ZNF804B: variants seen among roughly 807,000 people sequenced by gnomAD.
The protein encoded by ZNF804B is zinc finger protein 804B, also known as zinc finger 804B.
A neutral mutation model predicts 101.4 loss-of-function variants in ZNF804B; 80 were observed. The observed-to-expected ratio is 0.79, with a 90% confidence interval of 0.66 to 0.95. ZNF804B has a LOEUF of 0.95. Ranked by LOEUF, ZNF804B falls within the 40% of genes least tolerant of loss-of-function variation. The probability of loss-of-function intolerance (pLI) is 0.00; values close to 1 mark genes in which losing one functional copy is unlikely to be tolerated. For missense variants in ZNF804B, 1,673 were observed against 1,561.9 expected (o/e 1.07, Z -1.20); for synonymous variants, 622 against 558.8 (o/e 1.11, Z -1.59).
intron 2 of ZNF804B, among the ~76,000 whole-genome samples, chr7:89,303,263 A>T (rs1790510210): frequency 6.6e-6 from 1 of 151,930 alleles, no homozygotes; most frequent in Non-Finnish European, 1.5e-5. Flanking sequence ...CACATTCTAA[A>T]TCTCAAATGG....
chr7:89,112,854 C>T (rs924792020), intron 1 of ZNF804B, among the ~76,000 whole-genome samples: 5 of 152,064 alleles, frequency 3.3e-5, no homozygotes, highest in Non-Finnish European at 7.4e-5. Context: ...AACGGAGGTA[C>T]AGATTTTGAA....
chr7:89,085,958 T>G (rs1259686660), intron 1 of ZNF804B, among the ~76,000 whole-genome samples: 2 of 151,984 alleles, frequency 1.3e-5, no homozygotes, highest in African/African-American at 4.8e-5. Context: ...TCCAACCCAT[T>G]TTTTCTCTTT....
chr7:88,847,795 A>T (rs1326458734), intron 1 of ZNF804B, among the ~76,000 whole-genome samples: 1 of 152,086 alleles, frequency 6.6e-6, no homozygotes, highest in Non-Finnish European at 1.5e-5. Flanking sequence ...AAGTAGTGAC[A>T]CCTAAACTAT....
intron 2 of ZNF804B, among the ~76,000 whole-genome samples, chr7:89,220,828 T>C (rs912183664): frequency 3.9e-5 from 6 of 151,984 alleles, no homozygotes; most frequent in Non-Finnish European, 8.8e-5. Context: ...TTTTAATCTA[T>C]AGGTTTTTCC....
At chr7:89,238,937 C>T (rs1301474251) in intron 2 of ZNF804B, among the ~76,000 whole-genome samples, 1 of 152,146 alleles carries the variant, frequency 6.6e-6, no homozygotes, top group Admixed American at 6.5e-5. Context: ...TGGAAAATAT[C>T]TTTTCCATTG....
intron 1 of ZNF804B, among the ~76,000 whole-genome samples, chr7:88,893,592 TAG>T (rs1366596005): frequency 1.3e-5 from 2 of 152,140 alleles, no homozygotes; most frequent in Non-Finnish European, 1.5e-5. Context: ...CTTATTAAAA[TAG>T]AGTGTTGAAC....
intron 1 of ZNF804B, among the ~76,000 whole-genome samples, chr7:88,965,531 T>TACAA (rs986485613): frequency 2.0e-5 from 3 of 151,492 alleles, no homozygotes; most frequent in African/African-American, 7.3e-5. Flanking sequence ...TTTTTCCATT[T>TACAA]ACGTTTGGCT....
chr7:88,996,974 G>A (rs908464538), intron 1 of ZNF804B, among the ~76,000 whole-genome samples: 1 of 152,092 alleles, frequency 6.6e-6, no homozygotes, highest in African/African-American at 2.4e-5. Context: ...TGGTGTGTAT[G>A]AGAGTATGTG....
chr7:89,218,882 A>G (rs73397154), intron 2 of ZNF804B, among the ~76,000 whole-genome samples: 5,454 of 152,172 alleles, frequency 0.036, 304 homozygotes, highest in African/African-American at 0.12. Context: ...CTTCATGATG[A>G]GTAGGCTGGG....
At chr7:89,286,200 A>G (rs1439376260) in intron 2 of ZNF804B, among the ~76,000 whole-genome samples, 1 of 152,132 alleles carries the variant, frequency 6.6e-6, no homozygotes, top group African/African-American at 2.4e-5. Flanking sequence ...CTAAATCGGG[A>G]CTTTAGGACT....
chr7:89,013,122 G>T (rs143848707), intron 1 of ZNF804B, among the ~76,000 whole-genome samples: 3,457 of 152,206 alleles, frequency 0.023, 138 homozygotes, highest in African/African-American at 0.079. Flanking sequence ...ACCTGGTCCT[G>T]CCCTTGACAC....
intron 1 of ZNF804B, among the ~76,000 whole-genome samples, chr7:88,881,683 AT>A (rs1165793376): frequency 8.5e-5 from 13 of 152,190 alleles, no homozygotes; most frequent in African/African-American, 1.2e-4. Context: ...GACAAAAAAA[AT>A]AAATTAGTAA....
At chr7:89,295,773 GTAGA>G (rs1433197021) in intron 2 of ZNF804B, among the ~76,000 whole-genome samples, 2 of 151,946 alleles carry the variant, frequency 1.3e-5, no homozygotes, top group African/African-American at 2.4e-5. Flanking sequence ...CAACTAATGG[GTAGA>G]TAAAGAAAAT....
At chr7:88,930,837 T>TTA (rs1057310843) in intron 1 of ZNF804B, among the ~76,000 whole-genome samples, 3 of 151,878 alleles carry the variant, frequency 2.0e-5, no homozygotes, top group Non-Finnish European at 2.9e-5. Flanking sequence ...TTCCTTTATT[T>TTA]TATAGATACA....
chr7:89,083,853 C>T (rs1038731439), intron 1 of ZNF804B, among the ~76,000 whole-genome samples: 3 of 151,790 alleles, frequency 2.0e-5, no homozygotes, highest in African/African-American at 7.3e-5. Context: ...AACCAAATGG[C>T]TCCAAATATA....
intron 1 of ZNF804B, among the ~76,000 whole-genome samples, chr7:88,844,551 T>G (rs1359153024): frequency 6.6e-6 from 1 of 152,212 alleles, no homozygotes; most frequent in East Asian, 1.9e-4. Flanking sequence ...TATTATAGTA[T>G]TTTGGAAATG....
At chr7:89,278,044 A>G (rs1403189279) in intron 2 of ZNF804B, among the ~76,000 whole-genome samples, 1 of 152,152 alleles carries the variant, frequency 6.6e-6, no homozygotes. Context: ...TTGCCATTCT[A>G]ACTGGTGTAA....
chr7:88,874,407 C>G (rs576737819), intron 1 of ZNF804B, among the ~76,000 whole-genome samples: 1 of 151,482 alleles, frequency 6.6e-6, no homozygotes, highest in South Asian at 2.1e-4. Context: ...ACAATCATGT[C>G]GTCTGCAAAC....
chr7:88,774,470 G>T (rs1270809436), intron 1 of ZNF804B, among the ~76,000 whole-genome samples: 1 of 152,118 alleles, frequency 6.6e-6, no homozygotes, highest in African/African-American at 2.4e-5. Flanking sequence ...GTGTGTAAGA[G>T]AAGCACAGTT....
Sources: allele counts gnomAD v4.1 joint callset (sites outside exome capture counted in the v4.1 genomes callset), GRCh38; gene constraint gnomAD v4.1.1; transcripts MANE v1.5; gene names NCBI Gene and HGNC (gene_info 2026-07-23, HGNC 2026-07-21).